Variants in ADAMTS20 observed in about 807,000 individuals in gnomAD.
ADAMTS20 encodes ADAM metallopeptidase with thrombospondin type 1 motif 20.
ADAMTS20 carries 225 observed loss-of-function variants against 260.1 expected under a neutral mutation model. That is an observed-to-expected ratio of 0.87 (90% CI 0.78 to 0.97). ADAMTS20 has a LOEUF of 0.97. ADAMTS20 is among the 50% of genes least tolerant of loss of function. The pLI is 0.00. For missense variants in ADAMTS20, 2,400 were observed against 2,337.7 expected (o/e 1.03, Z -0.55); for synonymous variants, 802 against 769.5 (o/e 1.04, Z -0.70).
intron 2 of ADAMTS20, among the ~76,000 whole-genome samples, chr12:43,547,131 C>T (rs967495109): frequency 3.3e-5 from 5 of 152,144 alleles, no homozygotes; most frequent in Non-Finnish European, 7.4e-5. Context: ...AAACTAACAA[C>T]TAAACGGAAT....
intron 2 of ADAMTS20, among the ~76,000 whole-genome samples, chr12:43,538,390 T>G (rs1395525258): frequency 3.3e-5 from 5 of 152,228 alleles, no homozygotes; most frequent in African/African-American, 7.2e-5. Flanking sequence ...ATAAAGTTGT[T>G]TGAACTCCTT....
intron 31 of ADAMTS20, among the ~76,000 whole-genome samples, chr12:43,381,702 G>A (rs1443290169): frequency 7.1e-6 from 1 of 139,946 alleles, no homozygotes; most frequent in African/African-American, 2.7e-5. Context: ...GATTGCTTGA[G>A]CCTAGGAGGT....
intron 28 of ADAMTS20, among the ~76,000 whole-genome samples, chr12:43,422,525 A>G (rs186053798): frequency 3.9e-5 from 6 of 152,210 alleles, no homozygotes; most frequent in Admixed American, 3.9e-4. Context: ...ACAAATAAAT[A>G]TGCTTCATAT....
intron 37 of ADAMTS20, among the ~76,000 whole-genome samples, chr12:43,366,076 G>A (rs2137194037): frequency 6.6e-6 from 1 of 151,862 alleles, no homozygotes; most frequent in East Asian, 1.9e-4. Flanking sequence ...ATCAAAGGCA[G>A]TAATCCAACA....
chr12:43,504,875 A>C (rs1265596783), intron 3 of ADAMTS20, among the ~76,000 whole-genome samples: 1 of 152,212 alleles, frequency 6.6e-6, no homozygotes. Flanking sequence ...AAGAGCAATA[A>C]TACCTACTGG....
At chr12:43,384,344 C>T (rs1940424077) in intron 29 of ADAMTS20, among the ~76,000 whole-genome samples, 1 of 152,110 alleles carries the variant, frequency 6.6e-6, no homozygotes, top group South Asian at 2.1e-4. Flanking sequence ...AATTCTTAGA[C>T]TATACTCATT....
intron 3 of ADAMTS20, among the ~76,000 whole-genome samples, chr12:43,530,070 G>A (rs1360602570): frequency 2.0e-5 from 3 of 151,934 alleles, no homozygotes; most frequent in Non-Finnish European, 2.9e-5. Context: ...GATAAATATT[G>A]TAGAAAAAAT....
At chr12:43,523,733 G>A (rs955619820) in intron 3 of ADAMTS20, among the ~76,000 whole-genome samples, 10 of 152,070 alleles carry the variant, frequency 6.6e-5, no homozygotes, top group African/African-American at 2.2e-4. Context: ...TAGAACATGA[G>A]ACCATCTCCC....
intron 28 of ADAMTS20, among the ~76,000 whole-genome samples, chr12:43,416,969 A>G (rs1027316411): frequency 6.6e-6 from 1 of 152,122 alleles, no homozygotes; most frequent in African/African-American, 2.4e-5. Context: ...TTCTCCAATT[A>G]GATGCATATT....
Position 43,455,689 on chromosome 12 carries a change from A to G in ADAMTS20, c.1615-1637T>C, listed in dbSNP as rs535982420. Among the ~76,000 whole-genome samples, 6 of 151,226 alleles carry G rather than the reference A, an allele frequency of 4.0e-5. No individual in the cohort carries two copies. In the East Asian group the frequency reaches 6.0e-4, roughly 15 times the overall value. On this transcript the variant is annotated intron_variant, in intron 11 of 38. Transcript: ENST00000389420. ...ACTTTATTTATCCTTTCATCCATCA[A>G]TGGACACTGGGTTGCTTTCATCTTT...
chr12:43,472,363 G>A (rs1392315622), intron 7 of ADAMTS20, among the ~76,000 whole-genome samples: 1 of 149,440 alleles, frequency 6.7e-6, no homozygotes, highest in Non-Finnish European at 1.5e-5. Context: ...CGTCTGATTG[G>A]TGTACCTGAA....
intron 7 of ADAMTS20, among the ~76,000 whole-genome samples, chr12:43,488,899 C>T (rs1942561529): frequency 1.3e-5 from 2 of 152,030 alleles, no homozygotes; most frequent in Admixed American, 1.3e-4. Flanking sequence ...ATTGTAATTA[C>T]TATATTGTGT....
intron 28 of ADAMTS20, among the ~76,000 whole-genome samples, chr12:43,405,227 TACAAAAAAAAA>T (rs1940890111): frequency 8.7e-5 from 1 of 11,542 alleles, no homozygotes; most frequent in African/African-American, 2.4e-4. Context: ...ACCTCATCTC[TACAAAAAAAAA>T]AAAAAAAAAA....
chr12:43,502,466 C>CA (rs1482945497), intron 3 of ADAMTS20, 61 bp from the exon 4 acceptor site: 5 of 1,511,764 alleles, frequency 3.3e-6, no homozygotes, highest in Non-Finnish European at 4.4e-6. Context: ...AAAAATATCG[C>CA]AAAAAATAGA....
chr12:43,457,719 T>G (rs745398402), intron 11 of ADAMTS20, among the ~76,000 whole-genome samples: 8 of 152,208 alleles, frequency 5.3e-5, no homozygotes, highest in Non-Finnish European at 1.2e-4. Context: ...AAAATTGACC[T>G]TTCATTATCT....
At chr12:43,481,208 G>C (rs1942436732) in intron 7 of ADAMTS20, among the ~76,000 whole-genome samples, 1 of 152,052 alleles carries the variant, frequency 6.6e-6, no homozygotes, top group African/African-American at 2.4e-5. Flanking sequence ...TTGAGCAGTA[G>C]GATATAAATA....
At chr12:43,534,899 C>T (rs1220148051) in intron 2 of ADAMTS20, among the ~76,000 whole-genome samples, 2 of 152,074 alleles carry the variant, frequency 1.3e-5, no homozygotes. Context: ...GGTATGGCAT[C>T]GTGCTTCCAA....
At chr12:43,480,810 G>A (rs558351900) in intron 7 of ADAMTS20, among the ~76,000 whole-genome samples, 9 of 152,088 alleles carry the variant, frequency 5.9e-5, no homozygotes, top group South Asian at 4.1e-4. Context: ...GGGAGTGTGG[G>A]CAGATATTAG....
intron 28 of ADAMTS20, among the ~76,000 whole-genome samples, chr12:43,414,417 A>G (rs1462003593): frequency 2.6e-5 from 4 of 152,156 alleles, no homozygotes; most frequent in African/African-American, 9.7e-5. Flanking sequence ...ACCATAAAAG[A>G]CTGAAATGAA....
Sources: allele counts gnomAD v4.1 joint callset (sites outside exome capture counted in the v4.1 genomes callset), GRCh38; gene constraint gnomAD v4.1.1; transcripts MANE v1.5; gene names NCBI Gene and HGNC (gene_info 2026-07-23, HGNC 2026-07-21).